The following TRIOBP variants were observed in gnomAD, a reference collection of about 807,000 sequenced individuals.
The protein encoded by TRIOBP is TRIO and F-actin-binding protein.
TRIOBP carries 169 observed loss-of-function variants against 238.8 expected under a neutral mutation model. The ratio of observed to expected loss-of-function variants is 0.71; its 90% confidence interval spans 0.62 to 0.80. The LOEUF is 0.80. TRIOBP is among the 30% of genes least tolerant of loss of function. TRIOBP has a pLI of 0.00. For synonymous variants in TRIOBP, 1,150 were observed against 1,274.4 expected, an observed-to-expected ratio of 0.90 and a Z score of 2.08; for missense variants, 2,838 against 3,122.6, an observed-to-expected ratio of 0.91 and a Z score of 2.17.
In TRIOBP at chr22:37,711,632, G is replaced by GA. The variant is rs1174753167; in HGVS notation, c.254+1076dup. 8.8e-3 allele frequency among the ~76,000 whole-genome samples: 1,222 copies of GA among 138,144 alleles called. 12 individuals carry two copies. Among genetic ancestry groups the GA allele is most frequent in the African/African-American group, 0.029 (1,080 of 37,100 alleles). 90.6% of individuals were successfully genotyped at this position (138,144 alleles called of 152,430 possible). On this transcript the variant is annotated intron_variant, in intron 4 of 23. Coordinates refer to ENST00000644935, the MANE Select transcript of TRIOBP (RefSeq NM_001039141.3). ...AACAAAAAAAAACCCACAAAAAAAC[G>GA]AAAAAAAAAACAAAGACAGCTTTGT...
intron 11 of TRIOBP, among the ~76,000 whole-genome samples, chr22:37,745,247 A>C (rs987646212): frequency 1.3e-5 from 2 of 152,212 alleles, no homozygotes; most frequent in Non-Finnish European, 2.9e-5. Flanking sequence ...CTCCTTGCCT[A>C]AGGATAGCTA....
Position 37,755,005 on chromosome 22 carries a change from A to G in TRIOBP, c.5487+21A>G, listed in dbSNP as rs765292021. 51 of 1,612,644 alleles carry G rather than the reference A, an allele frequency of 3.2e-5. 2 individuals carry two copies. The South Asian group carries it at 5.6e-4, about 18-fold the overall frequency. The stretch of plus-strand genomic sequence containing the variant: ...AGGAGGTGAGGCCATGGGTGTACTG[A>G]TGAACCCCCGGAAGGGCCTGGGGTG... On this transcript the variant is annotated intron_variant, in intron 13 of 23. Transcript: ENST00000644935.
At chr22:37,744,000 CTT>C (rs571857057) in intron 11 of TRIOBP, among the ~76,000 whole-genome samples, 6 of 130,440 alleles carry the variant, frequency 4.6e-5, no homozygotes, top group African/African-American at 5.7e-5. Context: ...TGCTGTGTAT[CTT>C]TTTTTTTTTT....
intron 4 of TRIOBP, among the ~76,000 whole-genome samples, chr22:37,712,149 T>C (rs1231511256): frequency 6.6e-6 from 1 of 152,012 alleles, no homozygotes; most frequent in Non-Finnish European, 1.5e-5. Context: ...TCTTGACCTC[T>C]CTGAGCCTCA....
intron 4 of TRIOBP, among the ~76,000 whole-genome samples, chr22:37,712,968 A>T (rs1395839316): frequency 6.8e-5 from 10 of 146,146 alleles, no homozygotes; most frequent in African/African-American, 2.6e-4. Flanking sequence ...AAATAAATAA[A>T]TAAATAAATA....
Position 37,773,985 on chromosome 22 carries a change from T to TACACACACACACACACACAC in TRIOBP, c.*206_*225dup, listed in dbSNP as rs59571998. ...ACACGTGCACACATGTACACACGGA[T>TACACACACACACACACACAC]ACACACACACACACACACACTGCAT... On this transcript the variant is annotated 3_prime_UTR_variant, in exon 24 of 24. Transcript: ENST00000644935. 6.7e-6 allele frequency: 1 copy of TACACACACACACACACACAC among 149,212 alleles called. No homozygotes were observed. Among genetic ancestry groups the TACACACACACACACACACAC allele is most frequent in the African/African-American group, 2.5e-5 (1 of 40,260 alleles). 9.2% of individuals were successfully genotyped at this position (149,212 alleles called of 1,614,324 possible). A position where few individuals can be genotyped will look rare whatever the true frequency, so the allele number is the denominator to read the frequency against.
intron 19 of TRIOBP, 122 bp downstream of exon 19, chr22:37,768,298 T>C (rs1242137437): frequency 7.3e-6 from 6 of 817,818 alleles, no homozygotes; most frequent in African/African-American, 1.7e-5. Flanking sequence ...TCCAGTCTCA[T>C]GGATGCAAGA....
intron 18 of TRIOBP, 27 bp from the exon 19 acceptor site, chr22:37,768,047 T>C: frequency 6.3e-7 from 1 of 1,593,918 alleles, no homozygotes; most frequent in Non-Finnish European, 8.6e-7. Flanking sequence ...CTCCAGTCTC[T>C]CTTGTGCCTC....
chr22:37,709,535 CG>C (rs1923126657), intron 3 of TRIOBP, among the ~76,000 whole-genome samples: 1 of 152,170 alleles, frequency 6.6e-6, no homozygotes, highest in Non-Finnish European at 1.5e-5. Flanking sequence ...CCCCCGGGGA[CG>C]AGGGTGCTGA....
In TRIOBP at chr22:37,735,134, G is replaced by A; in HGVS notation, c.4798G>A (p.Gly1600Arg). 6.2e-7 allele frequency: 1 copy of A among 1,609,998 alleles called. No homozygotes were observed. Among genetic ancestry groups the A allele is most frequent in the Non-Finnish European group, 8.5e-7 (1 of 1,177,522 alleles). The change falls in exon 9 of 24, where the codon GGA (glycine) becomes AGA (arginine). Residue 1600 changes from glycine to arginine, a missense_variant. By Grantham distance (125) the Gly-to-Arg change is moderately radical (BLOSUM62 -2). Coordinates refer to ENST00000644935, the MANE Select transcript of TRIOBP (RefSeq NM_001039141.3). ...QARLPRKDPA[G>R]HRDDLARALG... ...CAGGCTGCCCCGCAAGGACCCAGCTGGACACAGGGATGACCTGGCCAGGGC... is the reference window on the plus strand; with the variant it reads ...CAGGCTGCCCCGCAAGGACCCAGCTAGACACAGGGATGACCTGGCCAGGGC...
chr22:37,713,992 GAATAAAACAACCC>G (rs1923391902), intron 5 of TRIOBP, among the ~76,000 whole-genome samples: 1 of 152,224 alleles, frequency 6.6e-6, no homozygotes, highest in Non-Finnish European at 1.5e-5. Flanking sequence ...ATAAGACTCA[GAATAAAACAACCC>G]AGCCTCACAC....
Position 37,759,249 on chromosome 22 carries a change from G to A in TRIOBP, c.6309G>A (p.Pro2103=), listed in dbSNP as rs767757626. ...LRSQEDGHIP[P]GYISQEACER... is the part of the protein sequence containing the mutation. ...CCCAGGAGGATGGCCACATCCCCCC[G>A]GGCTACATCTCACAGGTAAGGCCGG... is the stretch of plus-strand genomic sequence containing the variant. Residue 2103 remains proline (P), a synonymous_variant, in exon 17 of 24, where the codon CCG becomes CCA. Coordinates refer to ENST00000644935, the MANE Select transcript of TRIOBP (RefSeq NM_001039141.3). 1.9e-5 allele frequency: 31 copies of A among 1,613,050 alleles called. No individual in the cohort carries two copies. Among genetic ancestry groups the A allele is most frequent in the Admixed American group, 1.3e-4 (8 of 60,004 alleles).
In TRIOBP at chr22:37,765,795, G is replaced by T; in HGVS notation, c.6450G>T (p.Glu2150Asp). The change falls in exon 18 of 24, where the codon GAG (glutamate) becomes GAT (aspartate). Residue 2150 changes from glutamate (E) to aspartate (D), a missense_variant. By Grantham distance (45) the Glu-to-Asp change is conservative. Transcript: ENST00000644935. ...AGGAGAAGGAGTGGCTCCTGGCTGA[G>T]GAGACGGCAGCCACGGCCTCAGGTA... The part of the protein sequence containing the change: ...LQQEKEWLLA[E>D]ETAATASAIE... 6.3e-7 allele frequency: 1 copy of T among 1,588,642 alleles called. No individual in the cohort carries two copies.
intron 6 of TRIOBP, among the ~76,000 whole-genome samples, chr22:37,717,943 G>T (rs1923613529): frequency 1.3e-5 from 2 of 152,220 alleles, no homozygotes; most frequent in South Asian, 4.1e-4. Context: ...GAGGCGGGGG[G>T]AAGCTCAGGC....
chr22:37,703,503 CTT>C (rs372141125), intron 3 of TRIOBP, among the ~76,000 whole-genome samples: 11 of 124,528 alleles, frequency 8.8e-5, no homozygotes, highest in Admixed American at 8.7e-5. Flanking sequence ...TGAAGGTCCT[CTT>C]TTTTTTTTTT....
intron 17 of TRIOBP, among the ~76,000 whole-genome samples, chr22:37,765,206 A>G (rs1926422455): frequency 6.6e-6 from 1 of 152,160 alleles, no homozygotes; most frequent in African/African-American, 2.4e-5. Flanking sequence ...ACTTGAACCC[A>G]GAGGTGGAGG....
chr22:37,743,801 ATGTGTGTGTGTGTG>A (rs71195050), intron 11 of TRIOBP, among the ~76,000 whole-genome samples: 1,262 of 114,170 alleles, frequency 0.011, 24 homozygotes, highest in African/African-American at 0.038. Context: ...GAGAGAGAGA[ATGTGTGTGTGTGTG>A]TGTGTGTGTG....
intron 3 of TRIOBP, among the ~76,000 whole-genome samples, chr22:37,709,923 C>G (rs1923145554): frequency 6.6e-6 from 1 of 152,238 alleles, no homozygotes; most frequent in African/African-American, 2.4e-5. Flanking sequence ...CAAACTGCCT[C>G]TTCCTCCCTC....
chr22:37,707,145 G>A (rs921685816), intron 3 of TRIOBP, among the ~76,000 whole-genome samples: 14 of 152,000 alleles, frequency 9.2e-5, no homozygotes, highest in Non-Finnish European at 1.8e-4. Context: ...GTGTGGTGGC[G>A]GATGCCTGTA....
Sources: allele counts gnomAD v4.1 joint callset (sites outside exome capture counted in the v4.1 genomes callset), GRCh38; gene constraint gnomAD v4.1.1; transcripts MANE v1.5; gene names NCBI Gene and HGNC (gene_info 2026-07-23, HGNC 2026-07-21).